EFEMP1: variants seen among roughly 807,000 people sequenced by gnomAD.
EFEMP1 encodes the protein EGF-containing fibulin-like extracellular matrix protein 1.
In EFEMP1, 18 loss-of-function variants were observed where a neutral mutation model predicts 65.7. That is an observed-to-expected ratio of 0.27 (90% CI 0.19 to 0.41). The LOEUF (loss-of-function observed/expected upper bound fraction) is 0.41, where lower values mean the gene tolerates loss of function less well. Ranked by LOEUF, EFEMP1 falls within the 10% of genes least tolerant of loss-of-function variation. EFEMP1 has a pLI of 1.00. For missense variants in EFEMP1, 469 were observed against 624.8 expected, an observed-to-expected ratio of 0.75 and a Z score of 2.66; for synonymous variants, 237 against 219.7, an observed-to-expected ratio of 1.08 and a Z score of -0.70.
chr2:55,881,625 C>A lies in EFEMP1; in HGVS notation c.627G>T (p.Gly209=). The A allele has an allele frequency of 1.2e-6, 2 of 1,613,726 alleles. No individual in the cohort carries two copies. The highest frequency in any genetic ancestry group is 2.2e-5 in the South Asian group (2 of 91,068). ...TGTGGTACTTACCTACGCACTGCTC[C>A]CCTCGCTTCTGATATCCAGGAGGGC... ...CQCPPGYQKR[G]EQCVDIDECT... is the part of the protein sequence containing the mutation. Residue 209 remains glycine (G), a synonymous_variant, in exon 6 of 12, where the codon GGG becomes GGT. Coordinates refer to ENST00000355426, the MANE Select transcript of EFEMP1 (RefSeq NM_001039348.3).
At chr2:55,868,480 C>T (rs1240928189) in intron 11 of EFEMP1, among the ~76,000 whole-genome samples, 1 of 152,092 alleles carries the variant, frequency 6.6e-6, no homozygotes, top group Non-Finnish European at 1.5e-5. Context: ...GTTGGATATT[C>T]AACCTTCAAT....
intron 5 of EFEMP1, among the ~76,000 whole-genome samples, chr2:55,889,788 T>C (rs1047454597): frequency 1.3e-5 from 2 of 150,306 alleles, no homozygotes; most frequent in Non-Finnish European, 3.0e-5. Flanking sequence ...TGGATGCATG[T>C]TCAAATGATC....
chr2:55,903,798 T>TATGC lies in EFEMP1; in HGVS notation c.517+13866_517+13867insGCAT, dbSNP rs1479385369. 1.3e-3 allele frequency among the ~76,000 whole-genome samples: 200 copies of TATGC among 152,296 alleles called. 1 individual carries two copies. Among genetic ancestry groups the TATGC allele is most frequent in the African/African-American group, 4.0e-3 (165 of 41,554 alleles). ...AAATATATATGCATGTATACATATA[T>TATGC]ATGTATACATACATATATGAGTGGA... On this transcript the variant is annotated intron_variant, in intron 5 of 11. Transcript: ENST00000355426.
At chr2:55,880,400 C>T (rs535342195) in intron 6 of EFEMP1, among the ~76,000 whole-genome samples, 1 of 152,242 alleles carries the variant, frequency 6.6e-6, no homozygotes, top group South Asian at 2.1e-4. Flanking sequence ...ATTTATTTTC[C>T]TGTCTAATAC....
rs566951166 is a variant in EFEMP1, at chr2:55,867,462, A to C, written c.1321-228T>G. 3.4e-3 allele frequency among the ~76,000 whole-genome samples: 496 copies of C among 146,602 alleles called. 2 individuals are homozygous for C. Among genetic ancestry groups the C allele is most frequent in the African/African-American group, 0.012 (477 of 39,952 alleles). On this transcript the variant is annotated intron_variant, in intron 11 of 11. Coordinates refer to ENST00000355426, the MANE Select transcript of EFEMP1 (RefSeq NM_001039348.3). The surrounding 1 kb of genome is among the most constrained non-coding windows in gnomAD (Gnocchi z 4.3). ...GACTTGCTTTTTTTTTTTTTTAAAT[A>C]GTTCTTTGTTTTTGATTCCTCCCTC...
At position 55,871,327 on chromosome 2, in the gene EFEMP1, T is replaced by C. The variant is rs1279669669; in HGVS notation, c.1001-204A>G. Among the ~76,000 whole-genome samples, 1 of 152,096 alleles carries C rather than the reference T, an allele frequency of 6.6e-6. No homozygotes were observed. The highest frequency in any genetic ancestry group is 6.6e-5 in the Admixed American group (1 of 15,250). On this transcript the variant is annotated intron_variant, in intron 9 of 11. Transcript: ENST00000355426. The surrounding 1 kb of genome is among the most constrained non-coding windows in gnomAD (Gnocchi z 4.2). ...CTGAGACATTCTAGGCAGATTAATA[T>C]GTGTCATTTCATGATATTTTATCAA...
Position 55,917,551 on chromosome 2 carries a change from G to T in EFEMP1, c.517+114C>A. ...GATGATTAAATATAATGCAGACAAAGCACTTAGCATGATGTCTGGCACGCG... is the reference window on the plus strand; with the variant it reads ...GATGATTAAATATAATGCAGACAAATCACTTAGCATGATGTCTGGCACGCG... On this transcript the variant is annotated intron_variant, in intron 5 of 11. Coordinates refer to ENST00000355426, the MANE Select transcript of EFEMP1 (RefSeq NM_001039348.3). The surrounding 1 kb of genome is among the most constrained non-coding windows in gnomAD (Gnocchi z 6.3). 1.5e-6 allele frequency: 2 copies of T among 1,307,250 alleles called. No homozygotes were observed. Among genetic ancestry groups the T allele is most frequent in the Non-Finnish European group, 2.2e-6 (2 of 901,764 alleles). 81.0% of individuals were successfully genotyped at this position (1,307,250 alleles called of 1,614,324 possible). A position where few individuals can be genotyped will look rare whatever the true frequency, so the allele number is the denominator to read the frequency against.
chr2:55,895,416 C>T (rs1430645081), intron 5 of EFEMP1, among the ~76,000 whole-genome samples: 1 of 152,210 alleles, frequency 6.6e-6, no homozygotes, highest in Non-Finnish European at 1.5e-5. Flanking sequence ...TGCCTTTGTC[C>T]GTAAGCCTCC....
Position 55,885,935 on chromosome 2 carries a change from C to T in EFEMP1, c.518-4201G>A, listed in dbSNP as rs1572805731. Among the ~76,000 whole-genome samples the T allele has an allele frequency of 6.6e-6, 1 of 152,202 alleles. No homozygotes were observed. Among genetic ancestry groups the T allele is most frequent in the East Asian group, 1.9e-4 (1 of 5,206 alleles). ...TCTCTCTTATGCAACATTTTAATCT[C>T]TGCAATGTTCTTTCCATAATTTGAT... On this transcript the variant is annotated intron_variant, in intron 5 of 11. Coordinates refer to ENST00000355426, the MANE Select transcript of EFEMP1 (RefSeq NM_001039348.3). This position sits in a 1 kb window ranked among gnomAD's most constrained non-coding sequence, Gnocchi z 4.3.
chr2:55,906,495 A>G (rs1572837276), intron 5 of EFEMP1, among the ~76,000 whole-genome samples: 1 of 152,168 alleles, frequency 6.6e-6, no homozygotes, highest in African/African-American at 2.4e-5. Context: ...AAGTGCTGGG[A>G]TTACAAGCTT....
chr2:55,885,399 C>T lies in EFEMP1; in HGVS notation c.518-3665G>A, dbSNP rs1669388943. On this transcript the variant is annotated intron_variant, in intron 5 of 11. Coordinates refer to ENST00000355426, the MANE Select transcript of EFEMP1 (RefSeq NM_001039348.3). This position sits in a 1 kb window ranked among gnomAD's most constrained non-coding sequence, Gnocchi z 4.3. The stretch of plus-strand genomic sequence containing the variant: ...TGCTAGATCTGTCGTGAACAAAATT[C>T]AAGGCCTTAAAGGCAGGATTAGAGA... 6.6e-6 allele frequency among the ~76,000 whole-genome samples: 1 copy of T among 152,192 alleles called. No homozygotes were observed. The highest frequency in any genetic ancestry group is 1.5e-5 in the Non-Finnish European group (1 of 68,040).
chr2:55,890,524 C>T (rs1669592000), intron 5 of EFEMP1, among the ~76,000 whole-genome samples: 1 of 151,928 alleles, frequency 6.6e-6, no homozygotes, highest in African/African-American at 2.4e-5. Context: ...ACTGAGGGAA[C>T]ATTAAAAGAA....
At chr2:55,909,289 C>G (rs1011403809) in intron 5 of EFEMP1, among the ~76,000 whole-genome samples, 2 of 152,140 alleles carry the variant, frequency 1.3e-5, no homozygotes, top group South Asian at 4.1e-4. Context: ...GAATGCAGTT[C>G]TGGAATATGT....
rs767428658 is a variant in EFEMP1 at position 55,885,132 on chromosome 2, A to G, written c.518-3398T>C. 4.6e-5 allele frequency among the ~76,000 whole-genome samples: 7 copies of G among 152,330 alleles called. No individual in the cohort carries two copies. The highest frequency in any genetic ancestry group is 3.4e-3 in the Middle Eastern group (1 of 294). On this transcript the variant is annotated intron_variant, in intron 5 of 11. Transcript: ENST00000355426. The surrounding 1 kb of genome is among the most constrained non-coding windows in gnomAD (Gnocchi z 4.3). ...AAGTGAGTCCAGGAGTGCAGAGGCT[A>G]TGAGGTATAAAGCAGATTCGCCAGA...
chr2:55,893,354 C>A (rs989045474), intron 5 of EFEMP1, among the ~76,000 whole-genome samples: 1 of 152,002 alleles, frequency 6.6e-6, no homozygotes, highest in Non-Finnish European at 1.5e-5. Flanking sequence ...ACTTGTTGAT[C>A]TTTTTAGAAA....
Position 55,886,403 on chromosome 2 carries a change from G to A in EFEMP1, c.518-4669C>T, listed in dbSNP as rs3791673. 0.048 allele frequency among the ~76,000 whole-genome samples: 7,255 copies of A among 152,234 alleles called. 275 individuals are homozygous for A. The highest frequency in any genetic ancestry group is 0.22 in the South Asian group (1,041 of 4,816). On this transcript the variant is annotated intron_variant, in intron 5 of 11. Coordinates refer to ENST00000355426, the MANE Select transcript of EFEMP1 (RefSeq NM_001039348.3). The surrounding 1 kb of genome is among the most constrained non-coding windows in gnomAD (Gnocchi z 4.0). ...TGCTTTGCAAATATTATTTAATGGT[G>A]CTATCCTGTGAACTCTTGTGGTTAA...
At chr2:55,899,844 G>A (rs368940703) in intron 5 of EFEMP1, among the ~76,000 whole-genome samples, 8 of 152,188 alleles carry the variant, frequency 5.3e-5, no homozygotes, top group Non-Finnish European at 1.2e-4. Context: ...GCAGAATGGG[G>A]TAGGACAGAA....
In EFEMP1 at chr2:55,886,554, G is replaced by A. The variant is rs905482447; in HGVS notation, c.518-4820C>T. Among the ~76,000 whole-genome samples, 8 of 152,080 alleles carry A rather than the reference G, an allele frequency of 5.3e-5. No individual in the cohort carries two copies. Among genetic ancestry groups the A allele is most frequent in the Admixed American group, 1.3e-4 (2 of 15,268 alleles). On this transcript the variant is annotated intron_variant, in intron 5 of 11. Transcript: ENST00000355426. This position sits in a 1 kb window ranked among gnomAD's most constrained non-coding sequence, Gnocchi z 4.0. ...CATAAATGGAGTAAAGTAGAAAAAT[G>A]GTCAAGGTAAAGGATTCATGTTTGT...
In EFEMP1 at chr2:55,906,098, C is replaced by T. The variant is rs141458202; in HGVS notation, c.517+11567G>A. Among the ~76,000 whole-genome samples the T allele has an allele frequency of 4.6e-3, 696 of 152,154 alleles. 1 individual carries two copies. Among genetic ancestry groups the T allele is most frequent in the African/African-American group, 0.012 (517 of 41,496 alleles). ...ACTATTATTATCTGCTTAAATTGCA[C>T]GACAATTAAATTTCCTTCTTCCATT... On this transcript the variant is annotated intron_variant, in intron 5 of 11. Coordinates refer to ENST00000355426, the MANE Select transcript of EFEMP1 (RefSeq NM_001039348.3).
Sources: allele counts gnomAD v4.1 joint callset (sites outside exome capture counted in the v4.1 genomes callset), GRCh38; gene constraint gnomAD v4.1.1; non-coding constraint Gnocchi (gnomAD v3.1); transcripts MANE v1.5; gene names NCBI Gene and HGNC (gene_info 2026-07-23, HGNC 2026-07-21).